The following ATPAF1 variants were observed in gnomAD, a reference collection of about 807,000 sequenced individuals.
ATPAF1 encodes the protein homolog of yeast ATP11.
A neutral mutation model predicts 43.9 loss-of-function variants in ATPAF1; 26 were observed. The ratio of observed to expected loss-of-function variants is 0.59; its 90% CI spans 0.43 to 0.82. The LOEUF is 0.82. Among genes scored for constraint, ATPAF1 ranks in the 40% least tolerant of loss-of-function variants. The pLI, the probability that ATPAF1 is intolerant of heterozygous loss-of-function variation, is 0.00. For synonymous variants in ATPAF1, 157 were observed against 168.0 expected (o/e 0.93, Z 0.50); for missense variants, 366 against 435.0 (o/e 0.84, Z 1.41).
chr1:46,662,886 C>G lies in ATPAF1; in HGVS notation c.375+2370G>C, dbSNP rs572870511. Among the ~76,000 whole-genome samples the G allele has an allele frequency of 7.5e-4, 114 of 152,082 alleles. 2 individuals are homozygous for G. Among genetic ancestry groups the G allele is most frequent in the Non-Finnish European group, 7.1e-4 (48 of 68,028 alleles). ...CATGTTGGTGTGCTGCACCCATTAA[C>G]TCGTCATTTAACATTAGGTATATCT... On this transcript the variant is annotated intron_variant, in intron 2 of 8. Transcript: ENST00000574428.
intron 2 of ATPAF1, among the ~76,000 whole-genome samples, chr1:46,663,274 T>G (rs940626263): frequency 6.6e-6 from 1 of 152,218 alleles, no homozygotes; most frequent in African/African-American, 2.4e-5. Context: ...GCAGCATGAT[T>G]TGTAATCCTT....
upstream of ATPAF1, chr1:46,668,385 G>C (rs1349520935): frequency 2.5e-6 from 3 of 1,199,316 alleles, no homozygotes; most frequent in Non-Finnish European, 3.1e-6. The surrounding 1 kb of genome is among the most constrained non-coding windows in gnomAD (Gnocchi z 4.4). Flanking sequence ...CCGCGCGCCC[G>C]CTCCATCCCG....
chr1:46,654,270 G>C (rs143334970), intron 4 of ATPAF1, among the ~76,000 whole-genome samples: 1 of 151,966 alleles, frequency 6.6e-6, no homozygotes, highest in Non-Finnish European at 1.5e-5. Flanking sequence ...ACCTGGATGC[G>C]AATCTCAGCT....
intron 4 of ATPAF1, among the ~76,000 whole-genome samples, chr1:46,655,926 G>C (rs796678940): frequency 2.0e-5 from 3 of 152,240 alleles, no homozygotes; most frequent in African/African-American, 7.2e-5. Context: ...AAGATCATTT[G>C]CATATGGATC....
intron 7 of ATPAF1, among the ~76,000 whole-genome samples, chr1:46,644,706 A>T (rs1014576582): frequency 1.1e-4 from 15 of 133,656 alleles, no homozygotes; most frequent in Non-Finnish European, 3.1e-5. Context: ...GTTTTATTGG[A>T]AATAAAGAAA....
At chr1:46,655,868 CATATTTT>C (rs983283281) in intron 4 of ATPAF1, among the ~76,000 whole-genome samples, 6 of 152,122 alleles carry the variant, frequency 3.9e-5, no homozygotes, top group African/African-American at 1.4e-4. Flanking sequence ...CCCTTGCTTT[CATATTTT>C]ATATCTCTCT....
At position 46,663,153 on chromosome 1, in the gene ATPAF1, G is replaced by A. The variant is rs535237966; in HGVS notation, c.375+2103C>T. Reference sequence around the variant, plus strand: ...CTGCATAGTATTCCATGGTGTATATGTGCCACATTTTCTTGATTCAGTCTA... The same window carrying A: ...CTGCATAGTATTCCATGGTGTATATATGCCACATTTTCTTGATTCAGTCTA... On this transcript the variant is annotated intron_variant, in intron 2 of 8. Coordinates refer to ENST00000574428, the Ensembl canonical transcript of ATPAF1. Among the ~76,000 whole-genome samples, 35 of 152,286 alleles carry A rather than the reference G, an allele frequency of 2.3e-4. No homozygotes were observed. The South Asian group carries it at 7.3e-3, about 32-fold the overall frequency.
rs1245561219 is a variant in ATPAF1, at chr1:46,668,252, C to T, written c.71G>A (p.Arg24Gln). The change falls in exon 1 of 9, where the codon CGG becomes CAG. Residue 24 changes from arginine (R) to glutamine (Q), a missense_variant. By Grantham distance (43) the Arg-to-Gln change is conservative. This residue lies in a region of ATPAF1 where 186 missense variants were observed against 168.5 expected (regional missense o/e 1.10). Coordinates refer to ENST00000574428, the Ensembl canonical transcript of ATPAF1. The surrounding 1 kb of genome is among the most constrained non-coding windows in gnomAD (Gnocchi z 4.4). The stretch of plus-strand genomic sequence containing the variant: ...GCGGCTGCGCACCGCGCACAGGCCC[C>T]GGTAGAGACCGGCCACCTGCAGGAC... 7.2e-7 allele frequency: 1 copy of T among 1,390,744 alleles called. No homozygotes were observed. Among genetic ancestry groups the T allele is most frequent in the Non-Finnish European group, 9.4e-7 (1 of 1,069,268 alleles). The allele number at this position is 1,390,744 out of a possible 1,614,324, so 86.2% of individuals were successfully genotyped here.
chr1:46,659,800 A>G (rs1195034043), intron 2 of ATPAF1, among the ~76,000 whole-genome samples: 2 of 152,132 alleles, frequency 1.3e-5, no homozygotes, highest in East Asian at 1.9e-4. Flanking sequence ...TTGTGCTTTA[A>G]TTAATCCACA....
chr1:46,645,087 A>G, intron 7 of ATPAF1, 74 bp downstream of exon 7: 1 of 1,046,420 alleles, frequency 9.6e-7, no homozygotes, highest in Non-Finnish European at 1.4e-6. Context: ...TGTGTCCTTG[A>G]GCCTCAGCAA....
At chr1:46,647,675 G>A (rs1676069827) in intron 6 of ATPAF1, among the ~76,000 whole-genome samples, 1 of 152,194 alleles carries the variant, frequency 6.6e-6, no homozygotes, top group East Asian at 1.9e-4. Context: ...AAAATATCTA[G>A]AAATGGAATG....
At chr1:46,660,662 A>G (rs1183791972) in intron 2 of ATPAF1, among the ~76,000 whole-genome samples, 1 of 152,218 alleles carries the variant, frequency 6.6e-6, no homozygotes, top group Non-Finnish European at 1.5e-5. Context: ...AGGTAATTAA[A>G]GCAGTTGAAA....
exon 9 of ATPAF1, chr1:46,635,773 G>C: frequency 6.2e-7 from 1 of 1,612,734 alleles, no homozygotes; most frequent in South Asian, 1.1e-5. Flanking sequence ...AACCTGTACA[G>C]TTCTAAGTCT....
chr1:46,651,169 T>G (rs1365111364), intron 6 of ATPAF1, among the ~76,000 whole-genome samples: 3 of 150,596 alleles, frequency 2.0e-5, no homozygotes, highest in African/African-American at 4.9e-5. Context: ...CCCACAACAG[T>G]CCCCAGAGTG....
At chr1:46,635,716 G>C in exon 9 of ATPAF1, 1 of 1,486,708 alleles carries the variant, frequency 6.7e-7, no homozygotes, top group Non-Finnish European at 9.1e-7. Flanking sequence ...CCTGAGGAGG[G>C]GGTGGGCTCT....
At chr1:46,663,912 C>T in intron 2 of ATPAF1, 2 of 1,284,606 alleles carry the variant, frequency 1.6e-6, no homozygotes, top group Non-Finnish European at 2.0e-6. Context: ...CCAGTTTGTT[C>T]TGTGCACCAT....
At chr1:46,657,801 T>G (rs1215232105) in intron 4 of ATPAF1, among the ~76,000 whole-genome samples, 1 of 151,968 alleles carries the variant, frequency 6.6e-6, no homozygotes, top group Non-Finnish European at 1.5e-5. Context: ...GATGAGAATA[T>G]TATGGGTGGA....
chr1:46,663,757 ATTTTC>A, intron 2 of ATPAF1: 1 of 882,830 alleles, frequency 1.1e-6, no homozygotes, highest in East Asian at 8.5e-5. Context: ...CAAAAAAAGT[ATTTTC>A]CAAGTAAAAT....
intron 2 of ATPAF1, 109 bp downstream of exon 2, chr1:46,665,147 C>T: frequency 1.0e-6 from 1 of 965,066 alleles, no homozygotes; most frequent in Non-Finnish European, 1.6e-6. Context: ...AGACTATGTT[C>T]AGTTCACCCA....
Sources: allele counts gnomAD v4.1 joint callset (sites outside exome capture counted in the v4.1 genomes callset), GRCh38; gene constraint gnomAD v4.1.1; regional missense constraint gnomAD v4.1.1; non-coding constraint Gnocchi (gnomAD v3.1); transcripts MANE v1.5; gene names NCBI Gene and HGNC (gene_info 2026-07-23, HGNC 2026-07-21).